SYNJ2: variants seen among roughly 807,000 people sequenced by gnomAD.
SYNJ2 encodes polyphosphatidylinositol phosphatase SYNJ2.
A neutral mutation model predicts 141.3 loss-of-function variants in SYNJ2; 116 were observed. The ratio of observed to expected loss-of-function variants is 0.82; its 90% confidence interval spans 0.71 to 0.96. The LOEUF is 0.96. Ranked by LOEUF, SYNJ2 falls within the 40% of genes least tolerant of loss-of-function variation. The probability of loss-of-function intolerance (pLI) is 0.00; values close to 1 mark genes in which losing one functional copy is unlikely to be tolerated. For missense variants in SYNJ2, 1,873 were observed against 1,934.8 expected (o/e 0.97, Z 0.60); for synonymous variants, 745 against 777.7 (o/e 0.96, Z 0.70).
chr6:158,096,614 T>C lies in SYNJ2; in HGVS notation c.*250T>C. 1 of 365,994 alleles carries C rather than the reference T, an allele frequency of 2.7e-6. No homozygotes were observed. Among genetic ancestry groups the C allele is most frequent in the Admixed American group, 4.4e-5 (1 of 22,580 alleles). The allele number at this position is 365,994 out of a possible 1,614,324, so 22.7% of individuals were successfully genotyped here. On this transcript the variant is annotated 3_prime_UTR_variant, in exon 27 of 27. Coordinates refer to ENST00000355585, the MANE Select transcript of SYNJ2 (RefSeq NM_003898.4). Reference sequence around the variant, plus strand: ...AAGGAATGGGAACCTTCCTGTTAAATTCGGTGTATGGATTTTAAGAAAGGA... The same window carrying C: ...AAGGAATGGGAACCTTCCTGTTAAACTCGGTGTATGGATTTTAAGAAAGGA...
chr6:157,987,018 G>A (rs150653138), intron 1 of SYNJ2, among the ~76,000 whole-genome samples: 153 of 151,408 alleles, frequency 1.0e-3, no homozygotes, highest in African/African-American at 3.6e-3. Context: ...ATGGAGTCTT[G>A]CTCTGTCGCC....
Position 158,069,568 on chromosome 6 carries a change from A to C in SYNJ2, c.1835A>C (p.Gln612Pro), listed in dbSNP as rs768476966. The change falls in exon 14 of 27, where the codon CAG (glutamine) becomes CCG (proline). Residue 612 changes from glutamine to proline, a missense_variant. By Grantham distance (76) the Gln-to-Pro change is moderately conservative. Transcript: ENST00000355585. ...TNKKMWGEQL[Q>P]KAISRSHRYI... ...AAGAAGATGTGGGGTGAACAGCTTC[A>C]GAAAGCCATCTCACGCTCTCATAGA... 14 of 1,613,944 alleles carry C rather than the reference A, an allele frequency of 8.7e-6. No individual in the cohort carries two copies. In the South Asian group the frequency reaches 1.1e-4, roughly 13 times the overall value.
chr6:158,036,705 C>T (rs1323744881), intron 4 of SYNJ2, among the ~76,000 whole-genome samples: 1 of 152,144 alleles, frequency 6.6e-6, no homozygotes, highest in African/African-American at 2.4e-5. Context: ...GACAAAATAA[C>T]CTGTACAACA....
In SYNJ2 at chr6:158,043,116, C is replaced by T. The variant is rs951112285; in HGVS notation, c.712-200C>T. Among the ~76,000 whole-genome samples, 4 of 152,140 alleles carry T rather than the reference C, an allele frequency of 2.6e-5. No homozygotes were observed. Among genetic ancestry groups the T allele is most frequent in the Non-Finnish European group, 5.9e-5 (4 of 68,028 alleles). On this transcript the variant is annotated intron_variant, in intron 4 of 26. Coordinates refer to ENST00000355585, the MANE Select transcript of SYNJ2 (RefSeq NM_003898.4). The surrounding 1 kb of genome is among the most constrained non-coding windows in gnomAD (Gnocchi z 4.0). ...GCAGACCCCCTCCTCAGAGGCTGGT[C>T]GACAGCCAGCATGCCCGCCCAGTAC... is the stretch of plus-strand genomic sequence containing the variant.
intron 25 of SYNJ2, among the ~76,000 whole-genome samples, chr6:158,092,369 G>A (rs868375501): frequency 4.6e-5 from 7 of 152,164 alleles, no homozygotes; most frequent in Non-Finnish European, 8.8e-5. Context: ...TGCTGGGTGC[G>A]GTGGCTCACG....
At chr6:158,074,072 G>A (rs1393682772) in intron 15 of SYNJ2, among the ~76,000 whole-genome samples, 1 of 152,076 alleles carries the variant, frequency 6.6e-6, no homozygotes, top group Non-Finnish European at 1.5e-5. Context: ...GGGCTGAGCT[G>A]GGGCCGTGGG....
chr6:158,031,429 A>C (rs2128337661), intron 3 of SYNJ2, among the ~76,000 whole-genome samples: 1 of 152,318 alleles, frequency 6.6e-6, no homozygotes, highest in South Asian at 2.1e-4. Flanking sequence ...TGGAAGGAGG[A>C]GCCCCATGGT....
In SYNJ2 at chr6:158,043,507, T is replaced by G. The variant is rs1780066114; in HGVS notation, c.795+108T>G. ...TAACACGTTCGTTTCATGGCATAGT[T>G]TCCAGTCTTTTTCCTCAGCCCTGTT... is the stretch of plus-strand genomic sequence containing the variant. On this transcript the variant is annotated intron_variant, in intron 5 of 26. Coordinates refer to ENST00000355585, the MANE Select transcript of SYNJ2 (RefSeq NM_003898.4). This position sits in a 1 kb window ranked among gnomAD's most constrained non-coding sequence, Gnocchi z 4.0. 2.6e-6 allele frequency: 2 copies of G among 774,272 alleles called. No individual in the cohort carries two copies. The highest frequency in any genetic ancestry group is 4.3e-6 in the Non-Finnish European group (2 of 469,272). The allele number at this position is 774,272 out of a possible 1,614,324, so 48.0% of individuals were successfully genotyped here. A position where few individuals can be genotyped will look rare whatever the true frequency, so the allele number is the denominator to read the frequency against.
At chr6:158,052,378 G>T (rs1780617480) in intron 5 of SYNJ2, among the ~76,000 whole-genome samples, 2 of 152,182 alleles carry the variant, frequency 1.3e-5, no homozygotes, top group South Asian at 4.1e-4. Flanking sequence ...ATATCACATT[G>T]GTGTTAGTCC....
chr6:157,989,754 G>C (rs989083170), intron 1 of SYNJ2, among the ~76,000 whole-genome samples: 2 of 152,110 alleles, frequency 1.3e-5, no homozygotes, highest in African/African-American at 4.8e-5. Flanking sequence ...GATGCTACAA[G>C]GCCCCAGGCT....
intron 17 of SYNJ2, among the ~76,000 whole-genome samples, chr6:158,077,287 C>T (rs1289664081): frequency 6.6e-6 from 1 of 152,224 alleles, no homozygotes; most frequent in Non-Finnish European, 1.5e-5. Flanking sequence ...AGCCACTGCG[C>T]CTGGCCTCCT....
chr6:158,038,073 C>T (rs1052425883), intron 4 of SYNJ2, among the ~76,000 whole-genome samples: 1 of 152,346 alleles, frequency 6.6e-6, no homozygotes, highest in East Asian at 1.9e-4. Flanking sequence ...TCTCCCACCT[C>T]GGGCAGCCTG....
chr6:158,076,857 C>T, intron 17 of SYNJ2, 75 bp downstream of exon 17: 2 of 1,503,118 alleles, frequency 1.3e-6, no homozygotes, highest in Admixed American at 2.2e-5. Context: ...TCACGTTTAC[C>T]CAACCCCAGG....
At chr6:158,053,121 T>C (rs1434651924) in intron 5 of SYNJ2, among the ~76,000 whole-genome samples, 1 of 152,204 alleles carries the variant, frequency 6.6e-6, no homozygotes, top group Non-Finnish European at 1.5e-5. Context: ...TATAATCACA[T>C]TCAGTGTATG....
chr6:158,080,406 C>T (rs1782595916), intron 18 of SYNJ2, among the ~76,000 whole-genome samples: 1 of 148,822 alleles, frequency 6.7e-6, no homozygotes, highest in Non-Finnish European at 1.5e-5. Flanking sequence ...GCCCGGGAGG[C>T]GGAGGTTGCA....
chr6:158,019,550 C>T (rs1183283910), intron 2 of SYNJ2, among the ~76,000 whole-genome samples: 1 of 152,180 alleles, frequency 6.6e-6, no homozygotes, highest in African/African-American at 2.4e-5. Context: ...GCAGGGAGTG[C>T]TCAGAGAGGA....
intron 2 of SYNJ2, among the ~76,000 whole-genome samples, chr6:158,024,268 T>C (rs1316476218): frequency 1.3e-5 from 2 of 151,920 alleles, no homozygotes; most frequent in Admixed American, 1.3e-4. Context: ...CTACTAAAAA[T>C]ACAAAAATTA....
intron 1 of SYNJ2, among the ~76,000 whole-genome samples, chr6:157,985,780 C>A (rs772094475): frequency 3.3e-5 from 5 of 152,210 alleles, no homozygotes; most frequent in African/African-American, 4.8e-5. Flanking sequence ...GTCGTGCCTC[C>A]TGCCGCCCAG....
intron 5 of SYNJ2, among the ~76,000 whole-genome samples, chr6:158,045,783 C>A (rs1036160892): frequency 6.6e-6 from 1 of 152,142 alleles, no homozygotes; most frequent in Non-Finnish European, 1.5e-5. Context: ...CGTGCTGCCT[C>A]AGATGTAGCC....
Sources: gnomAD v4.1 joint callset for allele counts (sites outside exome capture counted in the v4.1 genomes callset) on GRCh38, gnomAD v4.1.1 for gene constraint, Gnocchi (gnomAD v3.1) non-coding constraint, MANE v1.5 for transcripts, NCBI Gene and HGNC (gene_info 2026-07-23, HGNC 2026-07-21) for gene names.